The following CELF2 variants were observed in gnomAD, a reference collection of about 807,000 sequenced individuals.
CELF2 encodes the protein CUG triplet repeat RNA-binding protein 2.
A neutral mutation model predicts 62.6 loss-of-function variants in CELF2; 8 were observed. That is an observed-to-expected ratio of 0.13 (90% CI 0.07 to 0.23). CELF2 has a LOEUF of 0.23. Among genes scored for constraint, CELF2 ranks in the 10% least tolerant of loss-of-function variants. CELF2 has a pLI of 1.00. For missense variants in CELF2, 333 were observed against 671.0 expected (o/e 0.50, Z 5.56); for synonymous variants, 258 against 250.0 (o/e 1.03, Z -0.30).
intron 1 of CELF2, among the ~76,000 whole-genome samples, chr10:10,905,567 AC>A (rs1213053124): frequency 7.0e-6 from 1 of 142,568 alleles, no homozygotes; most frequent in East Asian, 2.0e-4. Flanking sequence ...AACATGGCAA[AC>A]CCCCATCTCT....
At position 11,328,915 on chromosome 10, in the gene CELF2, G is replaced by T. The variant is rs191227131; in HGVS notation, c.1439-11G>T. 1.6e-5 allele frequency: 26 copies of T among 1,598,320 alleles called. No individual in the cohort carries two copies. The African/African-American group carries it at 2.3e-4, about 14-fold the overall frequency. ...CTCTCCAGGCTGACTCCCTCTCTCG[G>T]TATTTTCCAGGTTTTGTTAGCTACG... On this transcript the variant is annotated splice_polypyrimidine_tract_variant and intron_variant, in intron 12 of 12. Transcript: ENST00000633077. The surrounding 1 kb of genome is among the most constrained non-coding windows in gnomAD (Gnocchi z 6.4).
At chr10:11,323,056 T>C (rs2095527585) in intron 11 of CELF2, among the ~76,000 whole-genome samples, 1 of 152,158 alleles carries the variant, frequency 6.6e-6, no homozygotes, top group Non-Finnish European at 1.5e-5. Flanking sequence ...AGGGATGAAG[T>C]CTGGGCCCTG....
chr10:10,583,506 C>T, the CELF2 span, among the ~76,000 whole-genome samples: 2 of 152,140 alleles, frequency 1.3e-5, no homozygotes, highest in African/African-American at 4.8e-5. Flanking sequence ...ATCTATGGGT[C>T]CTCTAGGGTT....
chr10:10,898,570 A>T (rs1293371664), intron 1 of CELF2, among the ~76,000 whole-genome samples: 8 of 152,220 alleles, frequency 5.3e-5, no homozygotes. Flanking sequence ...TCAGCTAATC[A>T]AGAAGATGTC....
chr10:10,937,121 C>CTTTTTTTTTTTTTTTTTTTT (rs373143426), intron 2 of CELF2, among the ~76,000 whole-genome samples: 39 of 90,530 alleles, frequency 4.3e-4, no homozygotes, highest in African/African-American at 1.2e-3. Flanking sequence ...TTTTTCTTTT[C>CTTTTTTTTTTTTTTTTTTTT]TTTTTTTTTT....
intron 1 of CELF2, among the ~76,000 whole-genome samples, chr10:11,020,144 G>A (rs529784525): frequency 5.3e-4 from 81 of 152,270 alleles, no homozygotes; most frequent in African/African-American, 1.9e-3. Context: ...CTTAGCCATG[G>A]AGTCTCCTAT....
chr10:10,926,873 T>G (rs1279984620), intron 2 of CELF2, among the ~76,000 whole-genome samples: 1 of 152,188 alleles, frequency 6.6e-6, no homozygotes, highest in East Asian at 1.9e-4. Context: ...CCAGTGGCCA[T>G]TTAGCTGTGA....
intron 1 of CELF2, among the ~76,000 whole-genome samples, chr10:11,106,132 A>G (rs1381515680): frequency 6.6e-6 from 1 of 152,198 alleles, no homozygotes; most frequent in Non-Finnish European, 1.5e-5. Context: ...TACCCACTTT[A>G]CAGACAAGCT....
chr10:10,916,701 C>T (rs1200413200), intron 1 of CELF2, among the ~76,000 whole-genome samples: 1 of 152,214 alleles, frequency 6.6e-6, no homozygotes, highest in Admixed American at 6.5e-5. Context: ...CAACCTCTGC[C>T]TCCCAGGTTC....
chr10:11,246,718 A>G lies in CELF2; in HGVS notation c.355-2435A>G, dbSNP rs1019677393. Reference sequence around the variant, plus strand: ...TCTCCTTGGACTCCTCTTTCCTGGTATTCTCTGCAGTTCTGTCCTCGGCTC... The same window carrying G: ...TCTCCTTGGACTCCTCTTTCCTGGTGTTCTCTGCAGTTCTGTCCTCGGCTC... On this transcript the variant is annotated intron_variant, in intron 3 of 12. Coordinates refer to ENST00000633077, the MANE Select transcript of CELF2 (RefSeq NM_001326342.2). The surrounding 1 kb of genome is among the most constrained non-coding windows in gnomAD (Gnocchi z 4.6). 1.3e-5 allele frequency among the ~76,000 whole-genome samples: 2 copies of G among 151,954 alleles called. No individual in the cohort carries two copies. The highest frequency in any genetic ancestry group is 1.3e-4 in the Admixed American group (2 of 15,272).
the CELF2 span, among the ~76,000 whole-genome samples, chr10:10,529,943 C>T: frequency 0.5 from 76,510 of 151,906 alleles, 19,810 homozygotes; most frequent in South Asian, 0.66. Context: ...AAGAGAATGC[C>T]CAAGGCTTGT....
intron 1 of CELF2, among the ~76,000 whole-genome samples, chr10:10,901,347 C>G (rs2062926541): frequency 6.6e-6 from 1 of 152,032 alleles, no homozygotes; most frequent in Non-Finnish European, 1.5e-5. Context: ...AATAGAAAAC[C>G]TACATATATA....
the CELF2 span, among the ~76,000 whole-genome samples, chr10:10,512,412 T>C: frequency 6.9e-6 from 1 of 144,984 alleles, no homozygotes; most frequent in African/African-American, 2.7e-5. Context: ...TTTTTTTTTT[T>C]TTTTTTTTTT....
chr10:10,857,649 G>GTT (rs1554855649), intron 1 of CELF2, among the ~76,000 whole-genome samples: 1,319 of 94,194 alleles, frequency 0.014, 19 homozygotes, highest in Middle Eastern at 0.042. Flanking sequence ...CATATATATA[G>GTT]TATATATATA....
At chr10:11,049,385 C>T (rs1226546918) in intron 1 of CELF2, among the ~76,000 whole-genome samples, 1 of 151,712 alleles carries the variant, frequency 6.6e-6, no homozygotes, top group East Asian at 1.9e-4. Flanking sequence ...ATTCTAATGT[C>T]AACAGGATTG....
At chr10:11,137,534 A>T (rs114989154) in intron 1 of CELF2, among the ~76,000 whole-genome samples, 1,774 of 152,350 alleles carry the variant, frequency 0.012, 30 homozygotes, top group African/African-American at 0.04. Context: ...TTTCTCTTCT[A>T]TAAAATGGCC....
At chr10:10,630,339 T>C in the CELF2 span, among the ~76,000 whole-genome samples, 189 of 152,324 alleles carry the variant, frequency 1.2e-3, no homozygotes, top group Non-Finnish European at 2.3e-3. Flanking sequence ...TGACTTTTTC[T>C]TTTCTTCATT....
rs181633580 is a variant in CELF2, at chr10:11,123,903, A to G, written c.75-41583A>G. On this transcript the variant is annotated intron_variant, in intron 1 of 12. Transcript: ENST00000633077. ...GTATTGGTCAGTTCTCATGCTGCTA[A>G]TAAAGACATACCCAAGACTGGGTAA... Among the ~76,000 whole-genome samples the G allele has an allele frequency of 9.3e-4, 141 of 152,272 alleles. 2 individuals carry two copies. Among genetic ancestry groups the G allele is most frequent in the Non-Finnish European group, 1.5e-3 (105 of 68,024 alleles).
the CELF2 span, among the ~76,000 whole-genome samples, chr10:10,779,371 A>G: frequency 1.3e-5 from 2 of 152,228 alleles, no homozygotes; most frequent in Non-Finnish European, 2.9e-5. Context: ...TCGCACATGT[A>G]AAAACCTTAC....
Sources: gnomAD v4.1 joint callset for allele counts (sites outside exome capture counted in the v4.1 genomes callset) on GRCh38, gnomAD v4.1.1 for gene constraint, Gnocchi (gnomAD v3.1) non-coding constraint, MANE v1.5 for transcripts, NCBI Gene and HGNC (gene_info 2026-07-23, HGNC 2026-07-21) for gene names.